The following NADSYN1 variants were observed in gnomAD, a reference collection of about 807,000 sequenced individuals.
NADSYN1 encodes glutamine-dependent NAD(+) synthetase.
A neutral mutation model predicts 99.3 loss-of-function variants in NADSYN1; 80 were observed. The ratio of observed to expected loss-of-function variants is 0.81; its 90% CI spans 0.67 to 0.97. The LOEUF (loss-of-function observed/expected upper bound fraction) is 0.97. NADSYN1 is among the 50% of genes least tolerant of loss of function. The pLI is 0.00. For missense variants in NADSYN1, 859 were observed against 948.5 expected (o/e 0.91, Z 1.24); for synonymous variants, 385 against 372.1 (o/e 1.03, Z -0.40).
At chr11:71,460,069 G>C (rs75591845) in intron 3 of NADSYN1, 1 of 152,414 alleles carries the variant, frequency 6.6e-6, no homozygotes, top group Non-Finnish European at 1.5e-5. Context: ...CCTCCCAGCT[G>C]TGATGTCACC....
Position 71,483,035 on chromosome 11 carries a change from T to C in NADSYN1, c.1319+18T>C. 6.2e-7 allele frequency: 1 copy of C among 1,611,248 alleles called. No homozygotes were observed. The highest frequency in any genetic ancestry group is 8.5e-7 in the Non-Finnish European group (1 of 1,179,342). ...ATTGGAAGGTAGAGTTGGTCCCTGGTATTGGGCATGGCAGGTGGCTGACAG... is the reference window on the plus strand; with the variant it reads ...ATTGGAAGGTAGAGTTGGTCCCTGGCATTGGGCATGGCAGGTGGCTGACAG... On this transcript the variant is annotated intron_variant, in intron 14 of 20. Coordinates refer to ENST00000319023, the MANE Select transcript of NADSYN1 (RefSeq NM_018161.5).
chr11:71,494,173 G>C (rs1949803719), intron 18 of NADSYN1, among the ~76,000 whole-genome samples: 1 of 152,156 alleles, frequency 6.6e-6, no homozygotes, highest in African/African-American at 2.4e-5. Context: ...CTCACTCCCT[G>C]ACTCACCCAG....
Position 71,484,567 on chromosome 11 carries a change from G to T in NADSYN1, c.1455+120G>T. 4 of 1,389,340 alleles carry T rather than the reference G, an allele frequency of 2.9e-6. No individual in the cohort carries two copies. The South Asian group carries it at 5.7e-5, about 20-fold the overall frequency. The allele number at this position is 1,389,340 out of a possible 1,614,324, so 86.1% of individuals were successfully genotyped here. A position where few individuals can be genotyped will look rare whatever the true frequency, so the allele number is the denominator to read the frequency against. On this transcript the variant is annotated intron_variant, in intron 15 of 20. Coordinates refer to ENST00000319023, the MANE Select transcript of NADSYN1 (RefSeq NM_018161.5). ...TCGTCTCCATGAAGCTCATGGCACC[G>T]GTTACCTAGGGACAGCCAGTGCTGG...
chr11:71,455,422 G>A, intron 2 of NADSYN1: 1 of 470,588 alleles, frequency 2.1e-6, no homozygotes, highest in Non-Finnish European at 3.8e-6. Context: ...TTTCAAAGTT[G>A]GGCTGCTTCT....
chr11:71,471,444 C>G (rs748290134), intron 5 of NADSYN1, among the ~76,000 whole-genome samples: 1 of 152,214 alleles, frequency 6.6e-6, no homozygotes, highest in Non-Finnish European at 1.5e-5. Flanking sequence ...CTGCAGAGAG[C>G]CATCCTCAAG....
intron 5 of NADSYN1, among the ~76,000 whole-genome samples, chr11:71,472,098 G>A (rs1290348237): frequency 2.0e-5 from 3 of 152,110 alleles, no homozygotes; most frequent in East Asian, 1.9e-4. Flanking sequence ...CAGTAACAGC[G>A]ATCAGGAATT....
intron 14 of NADSYN1, 122 bp from the exon 15 acceptor site, chr11:71,484,190 A>T: frequency 7.0e-7 from 1 of 1,420,928 alleles, no homozygotes; most frequent in Non-Finnish European, 9.5e-7. Context: ...AAACACCACA[A>T]ATCATACGCT....
intron 3 of NADSYN1, among the ~76,000 whole-genome samples, chr11:71,461,909 G>C (rs1039207878): frequency 1.3e-5 from 2 of 152,212 alleles, no homozygotes; most frequent in African/African-American, 2.4e-5. Flanking sequence ...AGAACACATC[G>C]GAGAGGAATA....
chr11:71,472,524 GTT>G (rs755825735), intron 6 of NADSYN1, 24 bp downstream of exon 6: 1 of 1,606,208 alleles, frequency 6.2e-7, no homozygotes, highest in East Asian at 2.2e-5. Context: ...TGTGGAGCCC[GTT>G]TTTCAGTCGG....
At chr11:71,465,698 T>C (rs1949583787) in intron 5 of NADSYN1, among the ~76,000 whole-genome samples, 1 of 152,264 alleles carries the variant, frequency 6.6e-6, no homozygotes, top group South Asian at 2.1e-4. Flanking sequence ...TGAGAAATTC[T>C]ACTCTCCATT....
chr11:71,500,962 G>T (rs1348188586), intron 20 of NADSYN1, among the ~76,000 whole-genome samples: 7 of 150,448 alleles, frequency 4.7e-5, no homozygotes, highest in Admixed American at 2.0e-4. Context: ...AGTGGGAGGT[G>T]GGGGCTTGGC....
rs1438062895 is a variant in NADSYN1 at position 71,474,427 on chromosome 11, G to A, written c.699G>A (p.Lys233=). ...NGGIYLLANQ[K]GCDGDRLYYD... is the part of the protein sequence containing the mutation. ...GGATTTACTTGCTGGCCAACCAGAA[G>A]GGTTGTGACGGGGACCGCCTGTACT... is the stretch of plus-strand genomic sequence containing the variant. Residue 233 remains lysine, a synonymous_variant, in exon 9 of 21, where the codon AAG becomes AAA. Transcript: ENST00000319023. The A allele has an allele frequency of 6.2e-7, 1 of 1,614,222 alleles. No homozygotes were observed. Among genetic ancestry groups the A allele is most frequent in the South Asian group, 1.1e-5 (1 of 91,090 alleles).
chr11:71,475,776 G>A (rs1949661455), intron 9 of NADSYN1, among the ~76,000 whole-genome samples: 2 of 152,082 alleles, frequency 1.3e-5, no homozygotes, highest in South Asian at 4.2e-4. Flanking sequence ...GTGCAGTGGC[G>A]CAATCTTGGC....
At chr11:71,472,195 G>A (rs1016799826) in intron 5 of NADSYN1, among the ~76,000 whole-genome samples, 17 of 152,212 alleles carry the variant, frequency 1.1e-4, no homozygotes, top group African/African-American at 4.1e-4. Flanking sequence ...ACATGAGCGT[G>A]TGGGGAAACT....
At chr11:71,455,648 A>C (rs556785501) in intron 2 of NADSYN1, among the ~76,000 whole-genome samples, 1 of 152,364 alleles carries the variant, frequency 6.6e-6, no homozygotes, top group South Asian at 2.1e-4. Flanking sequence ...ATGTGAGGAC[A>C]CAGAGAAGGA....
chr11:71,498,627 A>C, intron 20 of NADSYN1, 99 bp downstream of exon 20: 2 of 1,372,734 alleles, frequency 1.5e-6, no homozygotes, highest in South Asian at 2.8e-5. Context: ...TTATATACAC[A>C]GTAACTTTTT....
At chr11:71,500,793 G>A (rs948873311) in intron 20 of NADSYN1, among the ~76,000 whole-genome samples, 7 of 152,092 alleles carry the variant, frequency 4.6e-5, no homozygotes, top group Non-Finnish European at 8.8e-5. Context: ...GAGCCCACAC[G>A]CCACACCCAG....
intron 20 of NADSYN1, 32 bp downstream of exon 20, chr11:71,498,560 G>T: frequency 6.2e-7 from 1 of 1,606,668 alleles, no homozygotes; most frequent in Non-Finnish European, 8.5e-7. Flanking sequence ...CTCTCTCCAT[G>T]TTTCATGTCT....
In NADSYN1 at chr11:71,485,551, C is replaced by T. The variant is rs1224715037; in HGVS notation, c.1465C>T (p.Arg489Trp). 15 of 1,557,048 alleles carry T rather than the reference C, an allele frequency of 9.6e-6. No individual in the cohort carries two copies. The highest frequency in any genetic ancestry group is 1.7e-4 in the Middle Eastern group (1 of 5,994). ...CTGTTGTGTTTTCCAGGCTCGAATA[C>T]GGATGGTCCTCGCCTATCTGTTTGC... ...LALQNVQARI[R>W]MVLAYLFAQL... The change falls in exon 16 of 21, where the codon CGG (arginine) becomes TGG (tryptophan). Residue 489 changes from arginine (R) to tryptophan (W), a missense_variant. Physicochemically the swap from Arg to Trp is moderately radical, Grantham distance 101. Transcript: ENST00000319023.
Sources: allele counts gnomAD v4.1 joint callset (sites outside exome capture counted in the v4.1 genomes callset), GRCh38; gene constraint gnomAD v4.1.1; transcripts MANE v1.5; gene names NCBI Gene and HGNC (gene_info 2026-07-23, HGNC 2026-07-21).